The following SIL1 variants were observed in gnomAD, a reference collection of about 807,000 sequenced individuals.
SIL1 encodes nucleotide exchange factor SIL1.
SIL1 carries 40 observed loss-of-function variants against 49.1 expected under a neutral mutation model. That is an observed-to-expected ratio of 0.81 (90% CI 0.63 to 1.06). The LOEUF (loss-of-function observed/expected upper bound fraction) is 1.06. SIL1 is among the 50% of genes least tolerant of loss of function. The pLI, the probability that SIL1 is intolerant of heterozygous loss-of-function variation, is 0.00. For missense variants in SIL1, 500 were observed against 572.6 expected (o/e 0.87, Z 1.29); for synonymous variants, 253 against 250.8 (o/e 1.01, Z -0.08).
intron 3 of SIL1, among the ~76,000 whole-genome samples, chr5:139,059,522 A>T (rs1769537852): frequency 6.6e-6 from 1 of 152,232 alleles, no homozygotes; most frequent in Admixed American, 6.5e-5. Context: ...CCACATATAC[A>T]TATATGATTT....
At chr5:139,158,740 T>C (rs901875178) in intron 1 of SIL1, among the ~76,000 whole-genome samples, 1 of 152,196 alleles carries the variant, frequency 6.6e-6, no homozygotes, top group Admixed American at 6.5e-5. Context: ...AATAATTTTT[T>C]AAAAAAAGAA....
intron 1 of SIL1, among the ~76,000 whole-genome samples, chr5:139,190,584 G>A (rs1752149634): frequency 6.6e-6 from 1 of 152,170 alleles, no homozygotes; most frequent in African/African-American, 2.4e-5. Flanking sequence ...TCTAACACTA[G>A]AGTCCCACTA....
chr5:139,158,067 A>G (rs1751439093), intron 1 of SIL1, among the ~76,000 whole-genome samples: 1 of 152,166 alleles, frequency 6.6e-6, no homozygotes, highest in South Asian at 2.1e-4. Flanking sequence ...GTTCACAACA[A>G]TCCTTCGTCA....
At chr5:139,038,677 A>T (rs546688305) in intron 5 of SIL1, among the ~76,000 whole-genome samples, 1 of 152,208 alleles carries the variant, frequency 6.6e-6, no homozygotes, top group Non-Finnish European at 1.5e-5. Context: ...CCACCACTGG[A>T]TGCTGGCCAC....
At chr5:138,956,828 CA>C (rs1324874861) in intron 7 of SIL1, among the ~76,000 whole-genome samples, 3 of 150,556 alleles carry the variant, frequency 2.0e-5, no homozygotes, top group African/African-American at 7.3e-5. Context: ...AAAAACAAAA[CA>C]AAAAAAACAC....
chr5:139,070,211 A>T (rs1769800268), intron 3 of SIL1, among the ~76,000 whole-genome samples: 1 of 152,196 alleles, frequency 6.6e-6, no homozygotes, highest in Non-Finnish European at 1.5e-5. Context: ...TGCCATTCTG[A>T]AACTGTTGCA....
At chr5:139,025,086 A>G (rs574782312) in intron 6 of SIL1, among the ~76,000 whole-genome samples, 6 of 152,178 alleles carry the variant, frequency 3.9e-5, no homozygotes, top group African/African-American at 1.4e-4. Context: ...ATGCTTGTCT[A>G]TCTGCTTCTG....
chr5:139,155,479 A>AGAGAGAGAGAGAGAGAGAGAGAGCG (rs1216396519), intron 1 of SIL1: 1 of 74,204 alleles, frequency 1.3e-5, no homozygotes, highest in Non-Finnish European at 3.8e-5. Flanking sequence ...GAGAGAGAGA[A>AGAGAGAGAGAGAGAGAGAGAGAGCG]CGAGCTCTCG....
chr5:139,137,744 T>C (rs940368830), intron 1 of SIL1, among the ~76,000 whole-genome samples: 4 of 141,722 alleles, frequency 2.8e-5, no homozygotes, highest in Non-Finnish European at 4.6e-5. Flanking sequence ...TGTGTTCTCA[T>C]TGTTCAATTC....
intron 4 of SIL1, 118 bp from the exon 5 acceptor site, chr5:139,042,837 A>G: frequency 4.5e-6 from 4 of 889,086 alleles, no homozygotes; most frequent in South Asian, 4.0e-5. Context: ...CATCTCTACA[A>G]AAAATTTAAA....
chr5:139,191,108 T>A lies in SIL1; in HGVS notation c.-11+7161A>T, dbSNP rs556166389. Among the ~76,000 whole-genome samples, 627 of 151,022 alleles carry A rather than the reference T, an allele frequency of 4.2e-3. 5 individuals carry two copies. The highest frequency in any genetic ancestry group is 0.014 in the Middle Eastern group (4 of 292). ...TTAGCCGGCCATGGTGGCAAGCACC[T>A]GTAATCCCAGCTGCTTAGGAGGCTG... On this transcript the variant is annotated intron_variant, in intron 1 of 9. Coordinates refer to ENST00000394817, the MANE Select transcript of SIL1 (RefSeq NM_022464.5).
intron 7 of SIL1, among the ~76,000 whole-genome samples, chr5:138,972,846 T>C (rs1277808087): frequency 4.6e-5 from 7 of 152,186 alleles, no homozygotes; most frequent in Non-Finnish European, 8.8e-5. Flanking sequence ...GTGGGTAACA[T>C]GAGGGTAAAA....
At chr5:139,064,398 A>G (rs1440279384) in intron 3 of SIL1, among the ~76,000 whole-genome samples, 1 of 152,214 alleles carries the variant, frequency 6.6e-6, no homozygotes, top group Non-Finnish European at 1.5e-5. Flanking sequence ...AATGACAATC[A>G]GAGTGGGAGA....
intron 1 of SIL1, among the ~76,000 whole-genome samples, chr5:139,129,236 TA>T (rs1750813749): frequency 6.6e-6 from 1 of 152,198 alleles, no homozygotes; most frequent in South Asian, 2.1e-4. Flanking sequence ...GATACTGGCA[TA>T]AGGATGGACA....
intron 3 of SIL1, among the ~76,000 whole-genome samples, chr5:139,083,190 G>A (rs987757919): frequency 6.6e-6 from 1 of 152,242 alleles, no homozygotes; most frequent in Non-Finnish European, 1.5e-5. Context: ...GCCACTGGGA[G>A]AAACTAGGGA....
chr5:139,169,534 T>C (rs1395970085), intron 1 of SIL1, among the ~76,000 whole-genome samples: 1 of 149,158 alleles, frequency 6.7e-6, no homozygotes, highest in African/African-American at 2.5e-5. Context: ...TGGACTGGAG[T>C]GCAATGGCAC....
At chr5:139,067,739 A>C (rs1769738866) in intron 3 of SIL1, among the ~76,000 whole-genome samples, 6 of 152,242 alleles carry the variant, frequency 3.9e-5, no homozygotes, top group Admixed American at 3.9e-4. Flanking sequence ...CGGCATCCTA[A>C]TAACTGTAGG....
At chr5:139,135,786 C>T (rs1165449057) in intron 1 of SIL1, among the ~76,000 whole-genome samples, 2 of 151,350 alleles carry the variant, frequency 1.3e-5, no homozygotes, top group South Asian at 2.1e-4. Context: ...ATGACACAAT[C>T]GGGCATGGTG....
chr5:139,026,781 T>A lies in SIL1; in HGVS notation c.645+20A>T. The A allele has an allele frequency of 1.2e-6, 2 of 1,613,012 alleles. No individual in the cohort carries two copies. Among genetic ancestry groups the A allele is most frequent in the Non-Finnish European group, 1.7e-6 (2 of 1,179,130 alleles). On this transcript the variant is annotated intron_variant, in intron 6 of 9. Coordinates refer to ENST00000394817, the MANE Select transcript of SIL1 (RefSeq NM_022464.5). The stretch of plus-strand genomic sequence containing the variant: ...TTGGAGCTGTTAAAAGTCTGACTTA[T>A]GGACGAAGAAATACAGTACCTGATG...
Sources: allele counts gnomAD v4.1 joint callset (sites outside exome capture counted in the v4.1 genomes callset), GRCh38; gene constraint gnomAD v4.1.1; transcripts MANE v1.5; gene names NCBI Gene and HGNC (gene_info 2026-07-23, HGNC 2026-07-21).